The following AGBL1 variants were observed in gnomAD, a reference collection of about 807,000 sequenced individuals.
AGBL1 encodes AGBL carboxypeptidase 1.
AGBL1 carries 130 observed loss-of-function variants against 118.9 expected under a neutral mutation model. The ratio of observed to expected loss-of-function variants is 1.09; its 90% CI spans 0.95 to 1.26. AGBL1 has a LOEUF of 1.26. Ranked by LOEUF, AGBL1 falls within the 50% of genes most tolerant of loss-of-function variation. AGBL1 has a pLI of 0.00. For missense variants in AGBL1, 1,584 were observed against 1,298.1 expected (o/e 1.22, Z -3.38); for synonymous variants, 555 against 478.9 (o/e 1.16, Z -2.08).
intron 21 of AGBL1, among the ~76,000 whole-genome samples, chr15:86,641,856 A>G (rs1413197475): frequency 6.6e-6 from 1 of 152,184 alleles, no homozygotes; most frequent in Non-Finnish European, 1.5e-5. Context: ...AACCTAAACA[A>G]CAAGCATTCA....
intron 1 of AGBL1, among the ~76,000 whole-genome samples, chr15:86,127,206 T>C (rs2076758590): frequency 6.6e-6 from 1 of 152,232 alleles, no homozygotes; most frequent in African/African-American, 2.4e-5. Flanking sequence ...CTCAGAAGTA[T>C]AAGGGCTTTG....
At chr15:86,578,144 ACCC>A (rs2084120125) in intron 21 of AGBL1, among the ~76,000 whole-genome samples, 1 of 152,158 alleles carries the variant, frequency 6.6e-6, no homozygotes, top group African/African-American at 2.4e-5. Flanking sequence ...GGGAGGCTGT[ACCC>A]TGCAGAGCCG....
intron 22 of AGBL1, among the ~76,000 whole-genome samples, chr15:86,785,658 A>G (rs1352539689): frequency 6.6e-6 from 1 of 152,098 alleles, no homozygotes; most frequent in Non-Finnish European, 1.5e-5. Context: ...ATGAGCCACC[A>G]TGCTCGGCCC....
intron 17 of AGBL1, among the ~76,000 whole-genome samples, chr15:86,367,686 G>T (rs1310155492): frequency 1.3e-5 from 2 of 152,150 alleles, no homozygotes; most frequent in African/African-American, 4.8e-5. Context: ...AGTATGTGAA[G>T]CTCAGCTGCC....
intron 17 of AGBL1, among the ~76,000 whole-genome samples, chr15:86,340,296 C>T (rs80269429): frequency 5.5e-5 from 2 of 36,474 alleles, no homozygotes; most frequent in Non-Finnish European, 2.7e-4. Context: ...CCTCCACTGC[C>T]CCCCCCCCAT....
At chr15:86,642,811 C>T (rs981576964) in intron 21 of AGBL1, among the ~76,000 whole-genome samples, 3 of 151,846 alleles carry the variant, frequency 2.0e-5, no homozygotes, top group African/African-American at 7.3e-5. Flanking sequence ...CTACCTTTAC[C>T]AAGAGCACTG....
At chr15:86,597,983 G>T (rs997022115) in intron 21 of AGBL1, among the ~76,000 whole-genome samples, 1 of 152,108 alleles carries the variant, frequency 6.6e-6, no homozygotes, top group Non-Finnish European at 1.5e-5. Flanking sequence ...GACTGATTTG[G>T]AGGTTGTGGT....
At chr15:86,430,858 A>T (rs1315449231) in intron 18 of AGBL1, among the ~76,000 whole-genome samples, 1 of 152,188 alleles carries the variant, frequency 6.6e-6, no homozygotes, top group African/African-American at 2.4e-5. Context: ...GAATTATTAA[A>T]CTGGTTGTTT....
chr15:86,999,239 C>CT lies in AGBL1; in HGVS notation c.3323+11155dup, dbSNP rs200457252. On this transcript the variant is annotated intron_variant, in intron 24 of 24. Coordinates refer to the AGBL1 transcript ENST00000441037. ...TTTTATATATATATTTTTTATTATACTTTTAAGTTTTAGGGTACATGTGCA... is the reference window on the plus strand; with the variant it reads ...TTTTATATATATATTTTTTATTATACTTTTTAAGTTTTAGGGTACATGTGCA... 9.3e-3 allele frequency among the ~76,000 whole-genome samples: 1,395 copies of CT among 149,254 alleles called. 19 individuals are homozygous for CT. The highest frequency in any genetic ancestry group is 0.03 in the African/African-American group (1,235 of 40,544).
chr15:86,387,026 C>T (rs956475211), intron 17 of AGBL1, among the ~76,000 whole-genome samples: 1 of 152,062 alleles, frequency 6.6e-6, no homozygotes, highest in Admixed American at 6.5e-5. Context: ...GAATAATTCC[C>T]GTGTAGACAA....
chr15:86,767,397 T>A (rs1417929349), intron 22 of AGBL1, among the ~76,000 whole-genome samples: 1 of 151,902 alleles, frequency 6.6e-6, no homozygotes, highest in Non-Finnish European at 1.5e-5. Flanking sequence ...TCTTTGCTTG[T>A]TTGAATTTCA....
At chr15:86,790,101 A>C (rs2078470204) in intron 22 of AGBL1, among the ~76,000 whole-genome samples, 1 of 152,066 alleles carries the variant, frequency 6.6e-6, no homozygotes, top group Non-Finnish European at 1.5e-5. Flanking sequence ...GATCTGAAAA[A>C]CTTTCTGAAG....
intron 18 of AGBL1, among the ~76,000 whole-genome samples, chr15:86,457,840 C>G (rs575045974): frequency 3.9e-4 from 59 of 152,234 alleles, no homozygotes; most frequent in Non-Finnish European, 7.2e-4. Context: ...ATACTCCAGC[C>G]GTTGCTTCTC....
chr15:86,462,900 C>T (rs1274251335), intron 18 of AGBL1, among the ~76,000 whole-genome samples: 1 of 152,208 alleles, frequency 6.6e-6, no homozygotes, highest in Non-Finnish European at 1.5e-5. Context: ...CTGCAATAAA[C>T]ATACATGTGC....
chr15:86,630,700 A>C (rs76238619), intron 21 of AGBL1: 17,547 of 152,268 alleles, frequency 0.12, 1,152 homozygotes, highest in East Asian at 0.15. Flanking sequence ...ACAAGAACAA[A>C]GTGAGCTCTG....
At chr15:86,853,291 C>T (rs17645592) in intron 22 of AGBL1, among the ~76,000 whole-genome samples, 5,571 of 152,198 alleles carry the variant, frequency 0.037, 192 homozygotes, top group Non-Finnish European at 0.049. Flanking sequence ...TAGTTTCACA[C>T]GTCTAATGCT....
intron 22 of AGBL1, among the ~76,000 whole-genome samples, chr15:86,760,158 C>A (rs1226723508): frequency 6.6e-6 from 1 of 152,022 alleles, no homozygotes; most frequent in African/African-American, 2.4e-5. Context: ...GAGAATGAGG[C>A]CCTGGTTGTT....
chr15:86,642,857 T>A, intron 21 of AGBL1, among the ~76,000 whole-genome samples: 1 of 152,316 alleles, frequency 6.6e-6, no homozygotes, highest in African/African-American at 2.4e-5. Context: ...TTAGGAGGAC[T>A]ATTTTATTTT....
chr15:87,023,360 G>A (rs147999011), intron 24 of AGBL1, among the ~76,000 whole-genome samples: 6 of 152,118 alleles, frequency 3.9e-5, no homozygotes, highest in African/African-American at 1.4e-4. Context: ...AAACTTTAAA[G>A]CAGCAGTAGT....
Sources: gnomAD v4.1 joint callset for allele counts (sites outside exome capture counted in the v4.1 genomes callset) on GRCh38, gnomAD v4.1.1 for gene constraint, MANE v1.5 for transcripts, NCBI Gene and HGNC (gene_info 2026-07-23, HGNC 2026-07-21) for gene names.